Variants in DIAPH3 observed in about 807,000 individuals in gnomAD.
DIAPH3 encodes diaphanous related formin 3, also known as protein diaphanous homolog 3.
A neutral mutation model predicts 144.3 loss-of-function variants in DIAPH3; 117 were observed. The observed-to-expected ratio is 0.81, with a 90% CI of 0.70 to 0.95. The LOEUF (loss-of-function observed/expected upper bound fraction) is 0.95. Ranked by LOEUF, DIAPH3 falls within the 40% of genes least tolerant of loss-of-function variation. The probability of loss-of-function intolerance (pLI) is 0.00; values close to 1 mark genes in which losing one functional copy is unlikely to be tolerated. For missense variants in DIAPH3, 1,421 were observed against 1,412.7 expected, an observed-to-expected ratio of 1.01 and a Z score of -0.09; for synonymous variants, 519 against 488.9, an observed-to-expected ratio of 1.06 and a Z score of -0.81.
At chr13:59,922,952 T>A (rs754424553) in intron 18 of DIAPH3, among the ~76,000 whole-genome samples, 3 of 152,120 alleles carry the variant, frequency 2.0e-5, no homozygotes, top group Non-Finnish European at 4.4e-5. Flanking sequence ...ATCACTTAAC[T>A]GCTACACCCA....
At position 59,862,306 on chromosome 13, in the gene DIAPH3, A is replaced by T. The variant is rs2043642027; in HGVS notation, c.2608-770T>A. ...AAAGATAATGGCATGCAATGGAAGT[A>T]GGATTTTGATTTTGAAGCAATATAA... is the stretch of plus-strand genomic sequence containing the variant. On this transcript the variant is annotated intron_variant, in intron 21 of 27. Transcript: ENST00000400324. Among the ~76,000 whole-genome samples, 2 of 152,232 alleles carry T rather than the reference A, an allele frequency of 1.3e-5. 1 individual carries two copies. Among genetic ancestry groups the T allele is most frequent in the South Asian group, 4.1e-4 (2 of 4,834 alleles).
chr13:59,962,475 G>A (rs2049821115), intron 17 of DIAPH3, among the ~76,000 whole-genome samples: 1 of 152,150 alleles, frequency 6.6e-6, no homozygotes, highest in Non-Finnish European at 1.5e-5. Flanking sequence ...GCTTCAAGTT[G>A]TTAGCACCTT....
intron 12 of DIAPH3, among the ~76,000 whole-genome samples, chr13:59,987,043 T>C (rs1594234149): frequency 6.6e-6 from 1 of 151,996 alleles, no homozygotes; most frequent in Non-Finnish European, 1.5e-5. Flanking sequence ...TATTGCGGCA[T>C]TATTCACGAT....
At chr13:59,737,003 G>A (rs936534632) in intron 27 of DIAPH3, among the ~76,000 whole-genome samples, 8 of 152,016 alleles carry the variant, frequency 5.3e-5, no homozygotes, top group Admixed American at 2.6e-4. Flanking sequence ...AAATTAACAC[G>A]AGATGGACTA....
Position 59,879,843 on chromosome 13 carries a change from C to G in DIAPH3, c.2368-375G>C, listed in dbSNP as rs146994857. 3.3e-3 allele frequency among the ~76,000 whole-genome samples: 507 copies of G among 152,218 alleles called. 3 individuals are homozygous for G. Among genetic ancestry groups the G allele is most frequent in the African/African-American group, 0.012 (483 of 41,538 alleles). ...AATTTTTGTTCAATACTGCAATATA[C>G]TGGGTCATGTTTAAAACACATTCAG... On this transcript the variant is annotated intron_variant, in intron 20 of 27. Transcript: ENST00000400324.
chr13:59,797,283 G>T (rs773410383), intron 25 of DIAPH3, among the ~76,000 whole-genome samples: 1 of 152,258 alleles, frequency 6.6e-6, no homozygotes, highest in Non-Finnish European at 1.5e-5. Flanking sequence ...GCCCATGAGG[G>T]CCGGGACACT....
intron 24 of DIAPH3, among the ~76,000 whole-genome samples, chr13:59,819,577 C>T (rs887518364): frequency 2.0e-5 from 3 of 151,474 alleles, no homozygotes; most frequent in Non-Finnish European, 3.0e-5. Context: ...GTATGTATTT[C>T]GGGGGATACT....
intron 14 of DIAPH3, among the ~76,000 whole-genome samples, chr13:59,978,396 T>C (rs1210423330): frequency 5.3e-5 from 8 of 151,486 alleles, no homozygotes; most frequent in African/African-American, 1.7e-4. Context: ...CTTATGAGAG[T>C]AAGAATGAAA....
At chr13:59,962,578 A>G (rs896529740) in intron 17 of DIAPH3, among the ~76,000 whole-genome samples, 1 of 152,160 alleles carries the variant, frequency 6.6e-6, no homozygotes, top group South Asian at 2.1e-4. Context: ...AAGGACTGCC[A>G]TTAGGACCCA....
intron 2 of DIAPH3, among the ~76,000 whole-genome samples, chr13:60,129,983 T>C (rs374358849): frequency 6.6e-6 from 1 of 152,208 alleles, no homozygotes; most frequent in African/African-American, 2.4e-5. Flanking sequence ...CAGAACTGAA[T>C]GCAGCAGGTC....
chr13:59,943,945 C>T (rs1231623694), intron 17 of DIAPH3, among the ~76,000 whole-genome samples: 1 of 152,068 alleles, frequency 6.6e-6, no homozygotes, highest in Non-Finnish European at 1.5e-5. Context: ...GGCACGGTAG[C>T]TCATGCCTGC....
At chr13:59,827,519 C>T (rs1855516514) in intron 24 of DIAPH3, among the ~76,000 whole-genome samples, 1 of 151,958 alleles carries the variant, frequency 6.6e-6, no homozygotes, top group African/African-American at 2.4e-5. Context: ...TTAAGCAAAA[C>T]AAGTAAGATG....
intron 22 of DIAPH3, among the ~76,000 whole-genome samples, chr13:59,853,908 T>C (rs2043117920): frequency 3.3e-5 from 5 of 152,146 alleles, no homozygotes; most frequent in African/African-American, 1.2e-4. Flanking sequence ...GCTATCTCCA[T>C]GCAGTTATAG....
At position 60,163,577 on chromosome 13, in the gene DIAPH3, C is replaced by G. The variant is rs766150651; in HGVS notation, c.180+10G>C. 2 of 1,578,506 alleles carry G rather than the reference C, an allele frequency of 1.3e-6. No homozygotes were observed. Among genetic ancestry groups the G allele is most frequent in the East Asian group, 2.3e-5 (1 of 44,206 alleles). The stretch of plus-strand genomic sequence containing the variant: ...GGAGCGGCCCCACCCTAGCTCCAGG[C>G]GATACTCACAAACTTGGGGCGCTTC... On this transcript the variant is annotated intron_variant, in intron 1 of 27. Coordinates refer to ENST00000400324, the MANE Select transcript of DIAPH3 (RefSeq NM_001042517.2).
intron 18 of DIAPH3, among the ~76,000 whole-genome samples, chr13:59,918,968 A>AT (rs2047380427): frequency 6.7e-6 from 1 of 150,314 alleles, no homozygotes; most frequent in Non-Finnish European, 1.5e-5. Flanking sequence ...AAAAATCAGT[A>AT]TTTTTTAACA....
intron 25 of DIAPH3, among the ~76,000 whole-genome samples, chr13:59,775,553 T>G (rs971952620): frequency 3.9e-5 from 6 of 152,194 alleles, no homozygotes; most frequent in Admixed American, 6.5e-5. Flanking sequence ...GGGAGAGTGT[T>G]TTTGTTGTTA....
chr13:59,991,967 T>G, intron 11 of DIAPH3, 101 bp downstream of exon 11: 1 of 925,874 alleles, frequency 1.1e-6, no homozygotes. Context: ...TTTGATTTCA[T>G]GTTGTTTATA....
At chr13:59,750,202 C>T (rs2036935190) in intron 27 of DIAPH3, among the ~76,000 whole-genome samples, 1 of 152,150 alleles carries the variant, frequency 6.6e-6, no homozygotes, top group African/African-American at 2.4e-5. Flanking sequence ...TCAGTCTACT[C>T]AATTAGAAGG....
At chr13:59,980,929 A>G (rs1369301689) in intron 13 of DIAPH3, 70 bp from the exon 14 acceptor site, 7 of 1,260,518 alleles carry the variant, frequency 5.6e-6, no homozygotes, top group Non-Finnish European at 8.0e-6. Flanking sequence ...AAAAGTTTAG[A>G]AAGAAAAAAG....
Sources: gnomAD v4.1 joint callset for allele counts (sites outside exome capture counted in the v4.1 genomes callset) on GRCh38, gnomAD v4.1.1 for gene constraint, MANE v1.5 for transcripts, NCBI Gene and HGNC (gene_info 2026-07-23, HGNC 2026-07-21) for gene names.